SMTNL2: variants seen among roughly 807,000 people sequenced by gnomAD.
SMTNL2 encodes smoothelin like 2.
Under a neutral mutation model 44.1 loss-of-function variants are expected in SMTNL2, and 43 were observed. The ratio of observed to expected loss-of-function variants is 0.98; its 90% CI spans 0.76 to 1.26. SMTNL2 has a LOEUF of 1.26. SMTNL2 is among the 50% of genes most tolerant of loss of function. The probability of loss-of-function intolerance (pLI) is 0.00; values close to 1 mark genes in which losing one functional copy is unlikely to be tolerated. For synonymous variants in SMTNL2, 317 were observed against 287.6 expected, an observed-to-expected ratio of 1.10 and a Z score of -1.03; for missense variants, 646 against 670.2, an observed-to-expected ratio of 0.96 and a Z score of 0.40.
At chr17:4,591,502 C>T (rs1320704485) in intron 1 of SMTNL2, among the ~76,000 whole-genome samples, 3 of 152,228 alleles carry the variant, frequency 2.0e-5, no homozygotes, top group South Asian at 2.1e-4. Context: ...TGGGAGTCCT[C>T]GGGCCCCATC....
rs1597420342 is a variant in SMTNL2 at position 4,607,268 on chromosome 17, C to G, written c.1260-93C>G. 2 of 1,576,798 alleles carry G rather than the reference C, an allele frequency of 1.3e-6. No individual in the cohort carries two copies. The highest frequency in any genetic ancestry group is 8.6e-7 in the Non-Finnish European group (1 of 1,159,074). ...TGGGAACCTCTGGCTGCCGGCTGAG[C>G]TCTGTTCCCGGGACCGAGACACCGG... On this transcript the variant is annotated intron_variant, in intron 7 of 7. Transcript: ENST00000389313. This position sits in a 1 kb window ranked among gnomAD's most constrained non-coding sequence, Gnocchi z 4.7.
At position 4,600,811 on chromosome 17, in the gene SMTNL2, C is replaced by A. The variant is rs1281595512; in HGVS notation, c.1259+3488C>A. 6.6e-6 allele frequency among the ~76,000 whole-genome samples: 1 copy of A among 152,196 alleles called. No individual in the cohort carries two copies. Among genetic ancestry groups the A allele is most frequent in the Non-Finnish European group, 1.5e-5 (1 of 68,034 alleles). ...GTGCAGCCCCAGGCTTCCCGCTTGCCCTGCGGGGAATGTGTCCTGCTCTCG... is the reference window on the plus strand; with the variant it reads ...GTGCAGCCCCAGGCTTCCCGCTTGCACTGCGGGGAATGTGTCCTGCTCTCG... On this transcript the variant is annotated intron_variant, in intron 7 of 7. Transcript: ENST00000389313. The surrounding 1 kb of genome is among the most constrained non-coding windows in gnomAD (Gnocchi z 4.7).
intron 7 of SMTNL2, among the ~76,000 whole-genome samples, chr17:4,601,470 T>C (rs930529136): frequency 2.0e-5 from 3 of 152,252 alleles, no homozygotes; most frequent in Non-Finnish European, 4.4e-5. Flanking sequence ...TGGAATGGCA[T>C]TTAAAGTGAT....
intron 7 of SMTNL2, among the ~76,000 whole-genome samples, chr17:4,599,903 G>C (rs779472281): frequency 3.9e-5 from 6 of 152,184 alleles, no homozygotes; most frequent in Non-Finnish European, 7.3e-5. Context: ...TAAAAACGTG[G>C]GCCCCGCCTC....
intron 5 of SMTNL2, among the ~76,000 whole-genome samples, chr17:4,596,215 G>T (rs1276461248): frequency 7.1e-6 from 1 of 141,052 alleles, no homozygotes; most frequent in Non-Finnish European, 1.5e-5. Flanking sequence ...CCTGCTGTGT[G>T]CAGAGTGTGG....
chr17:4,589,831 C>T (rs114768968), intron 1 of SMTNL2, among the ~76,000 whole-genome samples: 26,820 of 149,330 alleles, frequency 0.18, 2,522 homozygotes, highest in Middle Eastern at 0.22. Context: ...CCCCGCCCCA[C>T]GCTTCTGATC....
At chr17:4,605,142 T>C (rs2150526688) in intron 7 of SMTNL2, among the ~76,000 whole-genome samples, 1 of 150,512 alleles carries the variant, frequency 6.6e-6, no homozygotes, top group East Asian at 1.9e-4. Context: ...AATCTCTGAC[T>C]TTTTTGTTTG....
At chr17:4,585,610 G>A (rs994314587) in intron 1 of SMTNL2, among the ~76,000 whole-genome samples, 5 of 152,238 alleles carry the variant, frequency 3.3e-5, no homozygotes, top group Admixed American at 6.5e-5. Context: ...TAGATTCCTC[G>A]GGTCAGTGAC....
rs552590552 is a variant in SMTNL2 at position 4,604,401 on chromosome 17, T to C, written c.1260-2960T>C. ...CCTCCATTTCGCCTTGACATTTGGTTTCTGGTAGGAGGCCTGGCGTCCAGC... is the reference window on the plus strand; with the variant it reads ...CCTCCATTTCGCCTTGACATTTGGTCTCTGGTAGGAGGCCTGGCGTCCAGC... On this transcript the variant is annotated intron_variant, in intron 7 of 7. Coordinates refer to ENST00000389313, the MANE Select transcript of SMTNL2 (RefSeq NM_001114974.2). Among the ~76,000 whole-genome samples the C allele has an allele frequency of 1.4e-4, 22 of 152,170 alleles. 1 individual carries two copies. The highest frequency in any genetic ancestry group is 2.6e-4 in the Admixed American group (4 of 15,282).
At chr17:4,606,105 G>A (rs1187046616) in intron 7 of SMTNL2, among the ~76,000 whole-genome samples, 1 of 152,006 alleles carries the variant, frequency 6.6e-6, no homozygotes, top group African/African-American at 2.4e-5. Context: ...GGGTGGGGCA[G>A]CAATGAGTTT....
intron 1 of SMTNL2, among the ~76,000 whole-genome samples, chr17:4,587,476 G>C (rs1195637496): frequency 1.3e-5 from 2 of 152,248 alleles, no homozygotes; most frequent in East Asian, 3.9e-4. Context: ...GTGATCAAGA[G>C]CTTGGTCACA....
At position 4,600,327 on chromosome 17, in the gene SMTNL2, G is replaced by C. The variant is rs894228692; in HGVS notation, c.1259+3004G>C. Among the ~76,000 whole-genome samples the C allele has an allele frequency of 6.6e-6, 1 of 152,152 alleles. No homozygotes were observed. The highest frequency in any genetic ancestry group is 1.5e-5 in the Non-Finnish European group (1 of 68,028). On this transcript the variant is annotated intron_variant, in intron 7 of 7. Coordinates refer to ENST00000389313, the MANE Select transcript of SMTNL2 (RefSeq NM_001114974.2). This position sits in a 1 kb window ranked among gnomAD's most constrained non-coding sequence, Gnocchi z 4.7. ...GCAAAGGCTGAGCAGATCCAGGGTC[G>C]TGCAGGCAGCAGGACCACAGAGCTA...
rs1909649324 is a variant in SMTNL2 at position 4,593,059 on chromosome 17, G to A, written c.618G>A (p.Arg206=). 2 of 1,614,056 alleles carry A rather than the reference G, an allele frequency of 1.2e-6. No individual in the cohort carries two copies. Among genetic ancestry groups the A allele is most frequent in the East Asian group, 4.5e-5 (2 of 44,890 alleles). The change falls in exon 3 of 8, where the codon AGG becomes AGA. Residue 206 remains arginine (R), a synonymous_variant. Coordinates refer to ENST00000389313, the MANE Select transcript of SMTNL2 (RefSeq NM_001114974.2). ...CGGCCATCACCCGAGTCTCTGACAG[G>A]TTCTCTGGGGAGACCTCAGCTGCGG... ...PVTAITRVSD[R]FSGETSAAAL...
Position 4,598,243 on chromosome 17 carries a change from C to CCCT in SMTNL2, c.1259+921_1259+922insCTC, listed in dbSNP as rs2150523702. On this transcript the variant is annotated intron_variant, in intron 7 of 7. Coordinates refer to ENST00000389313, the MANE Select transcript of SMTNL2 (RefSeq NM_001114974.2). This position sits in a 1 kb window ranked among gnomAD's most constrained non-coding sequence, Gnocchi z 4.8. ...AACCTCATTCCCCTCCTGCCTCACG[C>CCCT]CAGGGCCTCATGGTGACTGAACCCA... Among the ~76,000 whole-genome samples, 1 of 152,310 alleles carries CCCT rather than the reference C, an allele frequency of 6.6e-6. No individual in the cohort carries two copies. Among genetic ancestry groups the CCCT allele is most frequent in the East Asian group, 1.9e-4 (1 of 5,170 alleles).
rs191174312 is a variant in SMTNL2 at position 4,598,604 on chromosome 17, G to T, written c.1259+1281G>T. ...TTTGGGAGGCCAAGGCGGGTGGATT[G>T]CCTGAGCTCAGGAGTTCGAGACCAG... On this transcript the variant is annotated intron_variant, in intron 7 of 7. Transcript: ENST00000389313. The surrounding 1 kb of genome is among the most constrained non-coding windows in gnomAD (Gnocchi z 4.8). Among the ~76,000 whole-genome samples, 37 of 152,216 alleles carry T rather than the reference G, an allele frequency of 2.4e-4. No homozygotes were observed. Among genetic ancestry groups the T allele is most frequent in the Non-Finnish European group, 4.6e-4 (31 of 67,990 alleles).
rs1037128298 is a variant in SMTNL2, at chr17:4,604,175, G to A, written c.1260-3186G>A. On this transcript the variant is annotated intron_variant, in intron 7 of 7. Coordinates refer to ENST00000389313, the MANE Select transcript of SMTNL2 (RefSeq NM_001114974.2). Reference sequence around the variant, plus strand: ...TCAGATTTTTCAATGCTTTATCATCGACAAAGCACCTTTGCACGCCTGCTC... The same window carrying A: ...TCAGATTTTTCAATGCTTTATCATCAACAAAGCACCTTTGCACGCCTGCTC... 4.6e-5 allele frequency among the ~76,000 whole-genome samples: 7 copies of A among 152,002 alleles called. No individual in the cohort carries two copies. The South Asian group carries it at 6.2e-4, about 14-fold the overall frequency.
chr17:4,587,884 G>A (rs1909407535), intron 1 of SMTNL2, among the ~76,000 whole-genome samples: 1 of 152,220 alleles, frequency 6.6e-6, no homozygotes, highest in Non-Finnish European at 1.5e-5. Flanking sequence ...GCAGCTTGAG[G>A]CCAGGCCCAG....
chr17:4,603,805 C>T (rs1427770604), intron 7 of SMTNL2, among the ~76,000 whole-genome samples: 1 of 152,100 alleles, frequency 6.6e-6, no homozygotes, highest in East Asian at 1.9e-4. Context: ...GGAAGGTGAA[C>T]TCAGGTCCCC....
chr17:4,589,994 T>C (rs1391079935), intron 1 of SMTNL2, among the ~76,000 whole-genome samples: 15 of 117,744 alleles, frequency 1.3e-4, no homozygotes, highest in Admixed American at 2.3e-4. Context: ...TGAGACAGAG[T>C]CTCGCTCTGT....
Sources: allele counts gnomAD v4.1 joint callset (sites outside exome capture counted in the v4.1 genomes callset), GRCh38; gene constraint gnomAD v4.1.1; non-coding constraint Gnocchi (gnomAD v3.1); transcripts MANE v1.5; gene names NCBI Gene and HGNC (gene_info 2026-07-23, HGNC 2026-07-21).